CHRD: variants seen among roughly 807,000 people sequenced by gnomAD.
CHRD encodes chordin.
Under a neutral mutation model 113.7 loss-of-function variants are expected in CHRD, and 69 were observed. That is an observed-to-expected ratio of 0.61 (90% CI 0.50 to 0.74). The LOEUF (loss-of-function observed/expected upper bound fraction) is 0.74. Ranked by LOEUF, CHRD falls within the 30% of genes least tolerant of loss-of-function variation. The pLI, the probability that CHRD is intolerant of heterozygous loss-of-function variation, is 0.00. For synonymous variants in CHRD, 561 were observed against 540.8 expected, an observed-to-expected ratio of 1.04 and a Z score of -0.52; for missense variants, 1,194 against 1,295.8, an observed-to-expected ratio of 0.92 and a Z score of 1.21.
At chr3:184,382,270 C>A (rs1489863584) in intron 6 of CHRD, 119 bp from the exon 7 acceptor site, 15 of 1,510,696 alleles carry the variant, frequency 9.9e-6, no homozygotes. Flanking sequence ...TCTTAAGCTT[C>A]CTAGGGCACC....
In CHRD at chr3:184,383,579, T is replaced by C. The variant is rs1277863110; in HGVS notation, c.1377T>C (p.Pro459=). Reference sequence around the variant, plus strand: ...TGGCCATGACACTGGAGACCAAGCCTCAGCGGAGGGATCAGCGCACTGTCC... The same window carrying C: ...TGGCCATGACACTGGAGACCAAGCCCCAGCGGAGGGATCAGCGCACTGTCC... The change falls in exon 12 of 23, where the codon CCT becomes CCC. Residue 459 remains proline (P), a synonymous_variant. Coordinates refer to ENST00000204604, the Ensembl canonical transcript of CHRD. 3 of 1,614,054 alleles carry C rather than the reference T, an allele frequency of 1.9e-6. No individual in the cohort carries two copies. In the East Asian group the frequency reaches 6.7e-5, roughly 36 times the overall value.
Position 184,380,551 on chromosome 3 carries a change from G to A in CHRD, c.148+85G>A. On this transcript the variant is annotated intron_variant, in intron 1 of 22. Coordinates refer to ENST00000204604, the Ensembl canonical transcript of CHRD. This position sits in a 1 kb window ranked among gnomAD's most constrained non-coding sequence, Gnocchi z 6.3. The stretch of plus-strand genomic sequence containing the variant: ...AGCCCGGAGGGGGCGCGGGGCGCAG[G>A]TGGCTCGGCGCGGCGGGCGGCCCGG... The A allele has an allele frequency of 9.6e-7, 1 of 1,042,458 alleles. No individual in the cohort carries two copies. The highest frequency in any genetic ancestry group is 4.6e-5 in the East Asian group (1 of 21,828). The allele number at this position is 1,042,458 out of a possible 1,614,324, so 64.6% of individuals were successfully genotyped here. A position where few individuals can be genotyped will look rare whatever the true frequency, so the allele number is the denominator to read the frequency against.
rs1477794814 is a variant in CHRD at position 184,381,254 on chromosome 3, C to G, written c.272C>G (p.Thr91Ser). The stretch of plus-strand genomic sequence containing the variant: ...GAGCAGCCTCAGTGGGGTCGCCGTA[C>G]CAGGGGCCCTGGCAGGGTCAGCTGC... The change falls in exon 3 of 23, where the codon ACC becomes AGC. Residue 91 changes from threonine to serine, a missense_variant. Physicochemically the swap from Thr to Ser is moderately conservative, Grantham distance 58 (BLOSUM62 1). Coordinates refer to ENST00000204604, the Ensembl canonical transcript of CHRD. This position sits in a 1 kb window ranked among gnomAD's most constrained non-coding sequence, Gnocchi z 4.7. The G allele has an allele frequency of 1.2e-6, 2 of 1,613,238 alleles. No individual in the cohort carries two copies. The highest frequency in any genetic ancestry group is 2.2e-5 in the East Asian group (1 of 44,868).
At chr3:184,385,536 C>G (rs977848751) in intron 14 of CHRD, among the ~76,000 whole-genome samples, 4 of 151,858 alleles carry the variant, frequency 2.6e-5, no homozygotes, top group African/African-American at 9.7e-5. Flanking sequence ...CGTGGTGGCA[C>G]ATGCCTATAA....
At position 184,388,225 on chromosome 3, in the gene CHRD, C is replaced by G. The variant is rs1200526158; in HGVS notation, c.2554+192C>G. Among the ~76,000 whole-genome samples the G allele has an allele frequency of 2.1e-5, 3 of 145,796 alleles. No homozygotes were observed. The highest frequency in any genetic ancestry group is 8.0e-5 in the African/African-American group (3 of 37,636). On this transcript the variant is annotated intron_variant, in intron 20 of 22. Transcript: ENST00000204604. This position sits in a 1 kb window ranked among gnomAD's most constrained non-coding sequence, Gnocchi z 6.1. ...GGGGTATGATGGGTTCTGGTTCCTGCTCCATCCATCCGTCCATCCATCCAT... is the reference window on the plus strand; with the variant it reads ...GGGGTATGATGGGTTCTGGTTCCTGGTCCATCCATCCGTCCATCCATCCAT...
rs761622122 is a variant in CHRD at position 184,381,915 on chromosome 3, C to A, written c.612-18C>A. The A allele has an allele frequency of 5.0e-6, 8 of 1,613,940 alleles. No individual in the cohort carries two copies. The South Asian group carries it at 6.6e-5, about 13-fold the overall frequency. ...TGCTTTTGGCTCAGTCCGGCCTCACCCGACCTCTCATTCCCAGGCTGGACC... is the reference window on the plus strand; with the variant it reads ...TGCTTTTGGCTCAGTCCGGCCTCACACGACCTCTCATTCCCAGGCTGGACC... On this transcript the variant is annotated intron_variant, in intron 5 of 22. Coordinates refer to ENST00000204604, the Ensembl canonical transcript of CHRD. This position sits in a 1 kb window ranked among gnomAD's most constrained non-coding sequence, Gnocchi z 4.7.
exon 8 of CHRD, chr3:184,382,742 T>C (rs768926833): frequency 6.2e-7 from 1 of 1,613,966 alleles, no homozygotes; most frequent in South Asian, 1.1e-5. Flanking sequence ...TTTTTGCTGC[T>C]CTTCCGAGGG....
Position 184,388,467 on chromosome 3 carries a change from C to T in CHRD, c.2555-120C>T. 9.0e-7 allele frequency: 1 copy of T among 1,112,964 alleles called. No homozygotes were observed. Among genetic ancestry groups the T allele is most frequent in the South Asian group, 1.5e-5 (1 of 66,466 alleles). 68.9% of individuals were successfully genotyped at this position (1,112,964 alleles called of 1,614,324 possible). A position where few individuals can be genotyped will look rare whatever the true frequency, so the allele number is the denominator to read the frequency against. On this transcript the variant is annotated intron_variant, in intron 20 of 22. Coordinates refer to ENST00000204604, the Ensembl canonical transcript of CHRD. This position sits in a 1 kb window ranked among gnomAD's most constrained non-coding sequence, Gnocchi z 6.1. ...TCCATCCATTCATCTGCCCACCCAC[C>T]CATCCAAATTTATCACCTACTAAGT... is the stretch of plus-strand genomic sequence containing the variant.
rs1715467066 is a variant in CHRD at position 184,381,758 on chromosome 3, C to T, written c.554C>T (p.Ala185Val). Residue 185 changes from alanine to valine, a missense_variant, in exon 5 of 23, where the codon GCA becomes GTA. Ala to Val is a moderately conservative substitution (Grantham distance 64, BLOSUM62 0). Transcript: ENST00000204604. This position sits in a 1 kb window ranked among gnomAD's most constrained non-coding sequence, Gnocchi z 4.7. ...ACAGGGCCGAGGTCGCAGGCGGTGG[C>T]ACGAGCCCGAGTCTCGCTGCTGCGC... The T allele has an allele frequency of 1.2e-6, 2 of 1,613,056 alleles. No individual in the cohort carries two copies. Among genetic ancestry groups the T allele is most frequent in the African/African-American group, 2.7e-5 (2 of 74,940 alleles).
In CHRD at chr3:184,387,915, C is replaced by G. The variant is rs377353633; in HGVS notation, c.2452-16C>G. 814 of 1,604,614 alleles carry G rather than the reference C, an allele frequency of 5.1e-4. 7 individuals are homozygous for G. The highest frequency in any genetic ancestry group is 4.8e-3 in the South Asian group (423 of 89,012). On this transcript the variant is annotated splice_polypyrimidine_tract_variant and intron_variant, in intron 19 of 22. Transcript: ENST00000204604. The surrounding 1 kb of genome is among the most constrained non-coding windows in gnomAD (Gnocchi z 6.1). ...TGCCCCCTGCCTGACACTCCTTGCT[C>G]AATGGATCCCTACAGGGGGGCACTG...
exon 8 of CHRD, chr3:184,382,732 T>G: frequency 1.2e-6 from 2 of 1,613,770 alleles, no homozygotes; most frequent in Non-Finnish European, 1.7e-6. Flanking sequence ...CTCCTTGCAT[T>G]TTTTGCTGCT....
At position 184,387,945 on chromosome 3, in the gene CHRD, G is replaced by A. The variant is rs1716583840; in HGVS notation, c.2466G>A (p.Glu822=). 5.0e-6 allele frequency: 8 copies of A among 1,612,748 alleles called. No homozygotes were observed. The highest frequency in any genetic ancestry group is 6.8e-6 in the Non-Finnish European group (8 of 1,179,662). Residue 822 remains glutamate (E), a synonymous_variant, in exon 20 of 23, where the codon GAG becomes GAA. Coordinates refer to ENST00000204604, the Ensembl canonical transcript of CHRD. This position sits in a 1 kb window ranked among gnomAD's most constrained non-coding sequence, Gnocchi z 6.1. ...GATCCCTACAGGGGGGCACTGGAGA[G>A]GTGCACTGTGAGAAGGTGCAGTGTC...
Position 184,384,809 on chromosome 3 carries a change from G to A in CHRD, c.1597+116G>A. 2 of 1,381,756 alleles carry A rather than the reference G, an allele frequency of 1.4e-6. No individual in the cohort carries two copies. 85.6% of individuals were successfully genotyped at this position (1,381,756 alleles called of 1,614,324 possible). A position where few individuals can be genotyped will look rare whatever the true frequency, so the allele number is the denominator to read the frequency against. On this transcript the variant is annotated intron_variant, in intron 13 of 22. Transcript: ENST00000204604. This position sits in a 1 kb window ranked among gnomAD's most constrained non-coding sequence, Gnocchi z 4.4. ...TGTGCCTAAGCTCCGGTTGCCATCT[G>A]AAGGTGGGGACATATAGGGTGGCCC...
Position 184,383,187 on chromosome 3 carries a change from G to A in CHRD, c.1213+24G>A, listed in dbSNP as rs200492402. 336 of 1,592,800 alleles carry A rather than the reference G, an allele frequency of 2.1e-4. No homozygotes were observed. The African/African-American group carries it at 4.1e-3, about 19-fold the overall frequency. On this transcript the variant is annotated intron_variant, in intron 10 of 22. Transcript: ENST00000204604. ...CGGTGAGGCGGGGGGGGGGCCTGGT[G>A]CGCCGGGCATGCACAACTGAGAGAC...
Position 184,387,541 on chromosome 3 carries a change from T to C in CHRD, c.2451+64T>C, listed in dbSNP as rs549060945. On this transcript the variant is annotated intron_variant, in intron 19 of 22. Coordinates refer to ENST00000204604, the Ensembl canonical transcript of CHRD. The surrounding 1 kb of genome is among the most constrained non-coding windows in gnomAD (Gnocchi z 6.1). ...GGGGTCTGCAGAGATGGGGAGGGGC[T>C]GCCAGGTGAGGAAGGCCCGTCCTTG... 6 of 1,444,986 alleles carry C rather than the reference T, an allele frequency of 4.2e-6. No individual in the cohort carries two copies. The African/African-American group carries it at 7.1e-5, about 17-fold the overall frequency. The allele number at this position is 1,444,986 out of a possible 1,614,324, so 89.5% of individuals were successfully genotyped here.
In CHRD at chr3:184,380,990, C is replaced by T. The variant is rs866210927; in HGVS notation, c.252+195C>T. The T allele has an allele frequency of 2.7e-6, 2 of 732,564 alleles. No homozygotes were observed. The highest frequency in any genetic ancestry group is 4.6e-4 in the Middle Eastern group (2 of 4,394). The allele number at this position is 732,564 out of a possible 1,614,324, so 45.4% of individuals were successfully genotyped here. A position where few individuals can be genotyped will look rare whatever the true frequency, so the allele number is the denominator to read the frequency against. ...CTGATCGCCCACTCTGTGTGAGGCT[C>T]TGTGCCAACTCCGTTTCGTTCCCTG... On this transcript the variant is annotated intron_variant, in intron 2 of 22. Transcript: ENST00000204604. This position sits in a 1 kb window ranked among gnomAD's most constrained non-coding sequence, Gnocchi z 6.3.
rs1241977446 is a variant in CHRD at position 184,385,910 on chromosome 3, C to T, written c.1819-136C>T. ...AGAGACCTGGCTTCCAAGCTCCACACTATTGCCAATGGGCTTTGCTACCAT... is the reference window on the plus strand; with the variant it reads ...AGAGACCTGGCTTCCAAGCTCCACATTATTGCCAATGGGCTTTGCTACCAT... On this transcript the variant is annotated intron_variant, in intron 14 of 22. Coordinates refer to ENST00000204604, the Ensembl canonical transcript of CHRD. 6 of 867,620 alleles carry T rather than the reference C, an allele frequency of 6.9e-6. No homozygotes were observed. In the East Asian group the frequency reaches 1.5e-4, roughly 22 times the overall value. 53.7% of individuals were successfully genotyped at this position (867,620 alleles called of 1,614,324 possible).
Position 184,383,572 on chromosome 3 carries a change from C to G in CHRD, c.1370C>G (p.Thr457Ser), listed in dbSNP as rs145871696. 2.3e-4 allele frequency: 373 copies of G among 1,614,006 alleles called. No homozygotes were observed. In the Middle Eastern group the frequency reaches 3.1e-3, roughly 14 times the overall value. Residue 457 changes from threonine to serine, a missense_variant, in exon 12 of 23, where the codon ACC becomes AGC. Transcript: ENST00000204604. ...GAGGTGGTGGCCATGACACTGGAGACCAAGCCTCAGCGGAGGGATCAGCGC... is the reference window on the plus strand; with the variant it reads ...GAGGTGGTGGCCATGACACTGGAGAGCAAGCCTCAGCGGAGGGATCAGCGC...
At position 184,381,483 on chromosome 3, in the gene CHRD, C is replaced by CT. The variant is rs149400260; in HGVS notation, c.383-13_383-12insT. ...GCCAGCTGAAGCCCGTGTTCTTACC[C>CT]CCCCGCCCGCAGAGCGCAGCAGTTC... is the stretch of plus-strand genomic sequence containing the variant. On this transcript the variant is annotated splice_polypyrimidine_tract_variant and intron_variant, in intron 3 of 22. Transcript: ENST00000204604. The surrounding 1 kb of genome is among the most constrained non-coding windows in gnomAD (Gnocchi z 4.7). The CT allele has an allele frequency of 9.1e-3, 14,364 of 1,586,580 alleles. 97 individuals carry two copies. Among genetic ancestry groups the CT allele is most frequent in the South Asian group, 0.022 (1,926 of 87,836 alleles).
Sources: gnomAD v4.1 joint callset for allele counts (sites outside exome capture counted in the v4.1 genomes callset) on GRCh38, gnomAD v4.1.1 for gene constraint, Gnocchi (gnomAD v3.1) non-coding constraint, MANE v1.5 for transcripts, NCBI Gene and HGNC (gene_info 2026-07-23, HGNC 2026-07-21) for gene names.